MAML2: variants seen among roughly 807,000 people sequenced by gnomAD.
MAML2 encodes mastermind like transcriptional coactivator 2, also known as mastermind-like protein 2.
MAML2 carries 22 observed loss-of-function variants against 96.1 expected under a neutral mutation model. The ratio of observed to expected loss-of-function variants is 0.23; its 90% CI spans 0.16 to 0.33. The LOEUF (loss-of-function observed/expected upper bound fraction) is 0.33. Among genes scored for constraint, MAML2 ranks in the 10% least tolerant of loss-of-function variants. MAML2 has a pLI of 1.00. For synonymous variants in MAML2, 561 were observed against 521.3 expected (o/e 1.08, Z -1.04); for missense variants, 1,367 against 1,392.4 (o/e 0.98, Z 0.29).
At chr11:96,161,675 C>A (rs911279709) in intron 1 of MAML2, among the ~76,000 whole-genome samples, 2 of 152,136 alleles carry the variant, frequency 1.3e-5, no homozygotes, top group South Asian at 4.1e-4. Context: ...TTTTGTTTCA[C>A]GTTCAGCATT....
chr11:96,152,965 T>C (rs967360709), intron 1 of MAML2, among the ~76,000 whole-genome samples: 1 of 152,242 alleles, frequency 6.6e-6, no homozygotes, highest in Admixed American at 6.5e-5. Context: ...ACTGCAGTTA[T>C]ATTAAGTGAT....
At chr11:96,288,202 C>T (rs1863164715) in intron 1 of MAML2, among the ~76,000 whole-genome samples, 1 of 152,152 alleles carries the variant, frequency 6.6e-6, no homozygotes. Flanking sequence ...TATTTTTTAA[C>T]ATGATCAGGG....
intron 1 of MAML2, among the ~76,000 whole-genome samples, chr11:96,182,080 C>T (rs474232): frequency 0.56 from 84,769 of 151,974 alleles, 24,221 homozygotes; most frequent in East Asian, 0.75. Flanking sequence ...AAGACCTGAG[C>T]TTTAGTCCTA....
chr11:96,082,861 G>A (rs1339927623), intron 2 of MAML2, among the ~76,000 whole-genome samples: 1 of 152,214 alleles, frequency 6.6e-6, no homozygotes, highest in Non-Finnish European at 1.5e-5. Context: ...GTAGCACCTG[G>A]GAAGGGAGAG....
intron 1 of MAML2, among the ~76,000 whole-genome samples, chr11:96,159,118 G>A (rs1282174464): frequency 6.6e-6 from 1 of 152,082 alleles, no homozygotes; most frequent in Non-Finnish European, 1.5e-5. Flanking sequence ...ATAGAAACTT[G>A]AGTGGAAAGA....
At chr11:96,260,573 C>T (rs1048692936) in intron 1 of MAML2, among the ~76,000 whole-genome samples, 28 of 152,152 alleles carry the variant, frequency 1.8e-4, no homozygotes, top group Non-Finnish European at 7.4e-5. Context: ...CTCACTCCTC[C>T]CTCCAGTCTG....
intron 2 of MAML2, among the ~76,000 whole-genome samples, chr11:95,992,813 A>T (rs1857933139): frequency 1.3e-5 from 2 of 152,206 alleles, no homozygotes; most frequent in African/African-American, 4.8e-5. Context: ...GGTTATTCTG[A>T]TACTCATTGG....
At chr11:96,310,043 G>A (rs1389047047) in intron 1 of MAML2, among the ~76,000 whole-genome samples, 1 of 152,160 alleles carries the variant, frequency 6.6e-6, no homozygotes, top group Non-Finnish European at 1.5e-5. Flanking sequence ...AAATGTATAT[G>A]ATGACATATA....
intron 1 of MAML2, among the ~76,000 whole-genome samples, chr11:96,130,491 T>C (rs1049724685): frequency 6.6e-6 from 1 of 152,154 alleles, no homozygotes; most frequent in Non-Finnish European, 1.5e-5. Context: ...ATATGTACCA[T>C]GGCTTGCTGT....
intron 3 of MAML2, among the ~76,000 whole-genome samples, chr11:95,989,970 C>T (rs1392011057): frequency 6.6e-6 from 1 of 152,126 alleles, no homozygotes; most frequent in Non-Finnish European, 1.5e-5. Context: ...AACAAATTCA[C>T]ACCCAGGCTG....
intron 1 of MAML2, among the ~76,000 whole-genome samples, chr11:96,326,412 A>C (rs935292078): frequency 4.0e-5 from 6 of 151,750 alleles, no homozygotes; most frequent in African/African-American, 1.5e-4. Flanking sequence ...TGTGTGTTTT[A>C]AATGCATAAA....
intron 1 of MAML2, among the ~76,000 whole-genome samples, chr11:96,214,246 G>A (rs10831497): frequency 0.21 from 31,315 of 152,086 alleles, 3,548 homozygotes; most frequent in Middle Eastern, 0.34. Flanking sequence ...GGTCTTTTGA[G>A]GCCATGCCTA....
intron 1 of MAML2, among the ~76,000 whole-genome samples, chr11:96,096,803 T>A (rs1159338800): frequency 1.3e-5 from 2 of 152,190 alleles, no homozygotes; most frequent in Admixed American, 1.3e-4. Flanking sequence ...GAGGGAAGTT[T>A]GTGTTCCAGG....
At chr11:96,191,869 G>A (rs1451748280) in intron 1 of MAML2, among the ~76,000 whole-genome samples, 1 of 152,052 alleles carries the variant, frequency 6.6e-6, no homozygotes, top group African/African-American at 2.4e-5. Context: ...TTCTTGTCTA[G>A]GACCAACACA....
At chr11:96,084,885 A>C (rs1369038157) in intron 2 of MAML2, among the ~76,000 whole-genome samples, 1 of 152,176 alleles carries the variant, frequency 6.6e-6, no homozygotes. Context: ...GCCCGTGAAA[A>C]GCAAACTGTG....
chr11:96,013,946 G>A (rs948996637), intron 2 of MAML2, among the ~76,000 whole-genome samples: 1 of 152,222 alleles, frequency 6.6e-6, no homozygotes, highest in Non-Finnish European at 1.5e-5. Context: ...ATCTAATTGA[G>A]CTGGTTAACA....
At chr11:96,252,701 A>G (rs1862601693) in intron 1 of MAML2, among the ~76,000 whole-genome samples, 1 of 152,118 alleles carries the variant, frequency 6.6e-6, no homozygotes, top group African/African-American at 2.4e-5. Context: ...CTATCTTCAG[A>G]TGAGGCACCT....
chr11:96,196,146 A>C (rs373111051), intron 1 of MAML2, among the ~76,000 whole-genome samples: 5 of 152,322 alleles, frequency 3.3e-5, no homozygotes, highest in African/African-American at 1.2e-4. Context: ...AAAAGTGACT[A>C]TTGTTAATTA....
chr11:96,108,035 C>T (rs968559534), intron 1 of MAML2, among the ~76,000 whole-genome samples: 3 of 152,170 alleles, frequency 2.0e-5, no homozygotes, highest in African/African-American at 7.2e-5. Flanking sequence ...GTGATAGGAA[C>T]CCCAATTTAT....
Sources: allele counts gnomAD v4.1 joint callset (sites outside exome capture counted in the v4.1 genomes callset), GRCh38; gene constraint gnomAD v4.1.1; transcripts MANE v1.5; gene names NCBI Gene and HGNC (gene_info 2026-07-23, HGNC 2026-07-21).